DENND1A: variants seen among roughly 807,000 people sequenced by gnomAD.
DENND1A encodes DENN domain containing 1A, also known as DENN domain-containing protein 1A.
A neutral mutation model predicts 113.7 loss-of-function variants in DENND1A; 51 were observed. That is an observed-to-expected ratio of 0.45 (90% CI 0.36 to 0.57). The LOEUF is 0.57. Among genes scored for constraint, DENND1A ranks in the 20% least tolerant of loss-of-function variants. The pLI, the probability that DENND1A is intolerant of heterozygous loss-of-function variation, is 0.00. For missense variants in DENND1A, 1,258 were observed against 1,395.9 expected (o/e 0.90, Z 1.57); for synonymous variants, 565 against 570.8 (o/e 0.99, Z 0.14).
intron 7 of DENND1A, among the ~76,000 whole-genome samples, chr9:123,670,752 T>C (rs2063725421): frequency 6.6e-6 from 1 of 152,206 alleles, no homozygotes; most frequent in South Asian, 2.1e-4. Flanking sequence ...TACCACAAAG[T>C]GTGCAAGATG....
In DENND1A at chr9:123,623,693, A is replaced by G. The variant is rs575023183; in HGVS notation, c.719+6683T>C. 2.2e-4 allele frequency among the ~76,000 whole-genome samples: 33 copies of G among 152,322 alleles called. No individual in the cohort carries two copies. In the East Asian group the frequency reaches 6.4e-3, roughly 29 times the overall value. ...TGTATGTCGTATTTGTGAATGCGCAATTGGTCCTCCACATAATGGTAGGGT... is the reference window on the plus strand; with the variant it reads ...TGTATGTCGTATTTGTGAATGCGCAGTTGGTCCTCCACATAATGGTAGGGT... On this transcript the variant is annotated intron_variant, in intron 10 of 23. Coordinates refer to ENST00000394215, the MANE Select transcript of DENND1A (RefSeq NM_001352964.2).
At chr9:123,891,314 C>T (rs1425790266) in intron 1 of DENND1A, among the ~76,000 whole-genome samples, 1 of 152,212 alleles carries the variant, frequency 6.6e-6, no homozygotes, top group Non-Finnish European at 1.5e-5. Context: ...TCACAGTCAC[C>T]ATGGAACTCG....
intron 2 of DENND1A, among the ~76,000 whole-genome samples, chr9:123,871,646 A>G (rs540187750): frequency 1.2e-3 from 180 of 152,276 alleles, no homozygotes; most frequent in African/African-American, 4.0e-3. Context: ...GCTGCTTAAC[A>G]CCCACGTATC....
At chr9:123,803,868 A>G (rs1221355153) in intron 2 of DENND1A, among the ~76,000 whole-genome samples, 2 of 152,198 alleles carry the variant, frequency 1.3e-5, no homozygotes, top group African/African-American at 4.8e-5. Context: ...ACCCATGACA[A>G]CCAAGCTTTC....
intron 12 of DENND1A, among the ~76,000 whole-genome samples, chr9:123,558,684 T>C (rs548537153): frequency 2.6e-5 from 4 of 152,318 alleles, no homozygotes; most frequent in East Asian, 1.9e-4. Flanking sequence ...TAGGAAAGAC[T>C]GTGTGACATG....
At chr9:123,774,945 A>G (rs1830253538) in intron 3 of DENND1A, among the ~76,000 whole-genome samples, 1 of 152,188 alleles carries the variant, frequency 6.6e-6, no homozygotes, top group Admixed American at 6.5e-5. Context: ...CACTTTATAC[A>G]CCTTCATGAC....
chr9:123,745,143 A>G (rs769530561), intron 5 of DENND1A, among the ~76,000 whole-genome samples: 4 of 152,178 alleles, frequency 2.6e-5, no homozygotes, highest in Non-Finnish European at 4.4e-5. Context: ...GACAGAGTAA[A>G]TGGAGTAATC....
chr9:123,917,601 A>C (rs905915069), intron 1 of DENND1A, among the ~76,000 whole-genome samples: 2 of 152,080 alleles, frequency 1.3e-5, no homozygotes, highest in Admixed American at 1.3e-4. Flanking sequence ...ATATTCCCAA[A>C]TTCTGACCCC....
chr9:123,715,119 G>C (rs914234664), intron 5 of DENND1A, among the ~76,000 whole-genome samples: 2 of 152,268 alleles, frequency 1.3e-5, no homozygotes, highest in South Asian at 4.2e-4. Context: ...GGGAGGTGGA[G>C]GTTGCAGTGA....
intron 11 of DENND1A, among the ~76,000 whole-genome samples, chr9:123,595,831 G>A (rs1342489703): frequency 9.9e-5 from 15 of 152,086 alleles, no homozygotes. Flanking sequence ...TGGGAGCTGG[G>A]TTCTGCCAGT....
intron 5 of DENND1A, among the ~76,000 whole-genome samples, chr9:123,695,486 A>T (rs528485250): frequency 2.8e-4 from 42 of 151,182 alleles, no homozygotes; most frequent in Admixed American, 2.0e-4. Context: ...ATTGAGTTTT[A>T]TATATATATA....
At chr9:123,512,186 G>C (rs1588917039) in intron 13 of DENND1A, among the ~76,000 whole-genome samples, 1 of 152,218 alleles carries the variant, frequency 6.6e-6, no homozygotes, top group African/African-American at 2.4e-5. Flanking sequence ...AATCTCTCAT[G>C]CTGCAGCGGA....
At chr9:123,867,979 G>C (rs144770327) in intron 2 of DENND1A, among the ~76,000 whole-genome samples, 140 of 152,300 alleles carry the variant, frequency 9.2e-4, no homozygotes, top group African/African-American at 3.2e-3. Context: ...ACAGAAGACA[G>C]AGAATCAAGA....
At chr9:123,490,681 A>G (rs529805961) in intron 13 of DENND1A, among the ~76,000 whole-genome samples, 2 of 152,360 alleles carry the variant, frequency 1.3e-5, no homozygotes, top group African/African-American at 4.8e-5. Context: ...ACATTAAAAA[A>G]AAAACAAGGT....
intron 1 of DENND1A, among the ~76,000 whole-genome samples, chr9:123,922,199 G>T (rs574701267): frequency 3.3e-4 from 50 of 152,176 alleles, no homozygotes; most frequent in African/African-American, 1.2e-3. Flanking sequence ...CTCCCAAAGT[G>T]CTGGCATTAC....
At chr9:123,902,402 G>A (rs1008110716) in intron 1 of DENND1A, among the ~76,000 whole-genome samples, 3 of 152,078 alleles carry the variant, frequency 2.0e-5, no homozygotes, top group Admixed American at 6.5e-5. Flanking sequence ...CTACCTTCGT[G>A]GTGCAAATGC....
chr9:123,419,849 C>T (rs1052883943), intron 19 of DENND1A, among the ~76,000 whole-genome samples: 8 of 152,360 alleles, frequency 5.3e-5, no homozygotes, highest in Middle Eastern at 3.4e-3. Context: ...CCTCTCTGTC[C>T]GCCCTGGATG....
chr9:123,680,854 G>C (rs1328463974), intron 5 of DENND1A, among the ~76,000 whole-genome samples: 2 of 152,348 alleles, frequency 1.3e-5, no homozygotes. Flanking sequence ...GTATGGAAGA[G>C]AGCAGGGGAC....
intron 21 of DENND1A, among the ~76,000 whole-genome samples, chr9:123,392,964 C>T (rs1009831498): frequency 2.0e-5 from 3 of 152,164 alleles, no homozygotes; most frequent in Admixed American, 2.0e-4. Context: ...GTCTCCAATC[C>T]CATCCAGGTT....
Sources: allele counts gnomAD v4.1 joint callset (sites outside exome capture counted in the v4.1 genomes callset), GRCh38; gene constraint gnomAD v4.1.1; transcripts MANE v1.5; gene names NCBI Gene and HGNC (gene_info 2026-07-23, HGNC 2026-07-21).